Variants in MMP16 observed in about 807,000 individuals in gnomAD.
MMP16 encodes the protein matrix metalloproteinase-16.
Under a neutral mutation model 67.8 loss-of-function variants are expected in MMP16, and 12 were observed. That is an observed-to-expected ratio of 0.18 (90% CI 0.11 to 0.29). The LOEUF (loss-of-function observed/expected upper bound fraction) is 0.29. Ranked by LOEUF, MMP16 falls within the 10% of genes least tolerant of loss-of-function variation. The pLI is 1.00. For synonymous variants in MMP16, 249 were observed against 255.9 expected (o/e 0.97, Z 0.26); for missense variants, 475 against 765.7 (o/e 0.62, Z 4.48).
At chr8:88,042,984 T>C (rs111267071) in intron 9 of MMP16, among the ~76,000 whole-genome samples, 7 of 152,224 alleles carry the variant, frequency 4.6e-5, no homozygotes, top group Non-Finnish European at 7.3e-5. Flanking sequence ...GAGTTACCTA[T>C]TTTTGATACA....
At chr8:88,280,625 G>A (rs1031852980) in intron 1 of MMP16, among the ~76,000 whole-genome samples, 4 of 152,112 alleles carry the variant, frequency 2.6e-5, no homozygotes, top group African/African-American at 7.2e-5. Context: ...GCCCAGGCAT[G>A]GATGCCTATA....
Position 88,112,884 on chromosome 8 carries a change from T to A in MMP16, c.1083+3623A>T, listed in dbSNP as rs115270292. Among the ~76,000 whole-genome samples the A allele has an allele frequency of 2.5e-3, 383 of 151,928 alleles. 3 individuals carry two copies. Among genetic ancestry groups the A allele is most frequent in the African/African-American group, 8.5e-3 (354 of 41,504 alleles). On this transcript the variant is annotated intron_variant, in intron 6 of 9. Coordinates refer to ENST00000286614, the MANE Select transcript of MMP16 (RefSeq NM_005941.5). ...CTTACAAGAAAACAAAATTACCTTA[T>A]GATATTACCTTTTGCTTACATCTAG...
chr8:88,053,744 A>T (rs1381075300), intron 8 of MMP16, among the ~76,000 whole-genome samples: 1 of 152,198 alleles, frequency 6.6e-6, no homozygotes, highest in African/African-American at 2.4e-5. Flanking sequence ...CTGGAAATAT[A>T]TAATTATATG....
rs1398093285 is a variant in MMP16, at chr8:88,034,987, G to A, written c.*6474C>T. On this transcript the variant is annotated 3_prime_UTR_variant, in exon 10 of 10. Coordinates refer to ENST00000286614, the MANE Select transcript of MMP16 (RefSeq NM_005941.5). ...GCCTGTGTCAAAAAGTATTCTGCCT[G>A]GGATCCAGTTTACCCACAGACCAAA... 1.3e-5 allele frequency: 2 copies of A among 151,966 alleles called. No individual in the cohort carries two copies. The highest frequency in any genetic ancestry group is 3.9e-4 in the East Asian group (2 of 5,190). 9.4% of individuals were successfully genotyped at this position (151,966 alleles called of 1,614,324 possible). A position where few individuals can be genotyped will look rare whatever the true frequency, so the allele number is the denominator to read the frequency against.
At chr8:88,285,702 T>G (rs1379379809) in intron 1 of MMP16, among the ~76,000 whole-genome samples, 1 of 145,138 alleles carries the variant, frequency 6.9e-6, no homozygotes, top group African/African-American at 2.9e-5. Flanking sequence ...TTCCAATGAC[T>G]TTTTTTCCTT....
At chr8:88,159,183 T>A (rs1324176507) in intron 4 of MMP16, among the ~76,000 whole-genome samples, 1 of 152,162 alleles carries the variant, frequency 6.6e-6, no homozygotes, top group Non-Finnish European at 1.5e-5. Flanking sequence ...TTTAAACTAG[T>A]TTTTTCCAAT....
chr8:88,044,297 G>A (rs1422581141), intron 9 of MMP16, among the ~76,000 whole-genome samples: 1 of 152,190 alleles, frequency 6.6e-6, no homozygotes, highest in Non-Finnish European at 1.5e-5. Context: ...GCACCATAGT[G>A]AGATGAGACC....
chr8:88,057,545 C>T (rs993673456), intron 7 of MMP16, among the ~76,000 whole-genome samples: 1 of 152,106 alleles, frequency 6.6e-6, no homozygotes, highest in South Asian at 2.1e-4. Context: ...AGTAAGGTGT[C>T]CCAACGTCCT....
rs373718013 is a variant in MMP16 at position 88,286,680 on chromosome 8, A to G, written c.132+40395T>C. On this transcript the variant is annotated intron_variant, in intron 1 of 9. Coordinates refer to ENST00000286614, the MANE Select transcript of MMP16 (RefSeq NM_005941.5). ...AAGCTCCACCTCCAGCGTTCATGCCATTCTCCTGCCTCAGCCTCCCAAGTA... is the reference window on the plus strand; with the variant it reads ...AAGCTCCACCTCCAGCGTTCATGCCGTTCTCCTGCCTCAGCCTCCCAAGTA... Among the ~76,000 whole-genome samples, 3 of 151,774 alleles carry G rather than the reference A, an allele frequency of 2.0e-5. No homozygotes were observed. In the East Asian group the frequency reaches 5.8e-4, roughly 29 times the overall value.
At chr8:88,244,758 T>C (rs1015073599) in intron 1 of MMP16, among the ~76,000 whole-genome samples, 1 of 152,182 alleles carries the variant, frequency 6.6e-6, no homozygotes, top group African/African-American at 2.4e-5. Context: ...CTATAACATC[T>C]TTCTTTACCT....
chr8:88,072,668 T>C (rs1808578893), intron 7 of MMP16, among the ~76,000 whole-genome samples: 2 of 152,068 alleles, frequency 1.3e-5, no homozygotes, highest in African/African-American at 4.8e-5. Context: ...CAGGATTCAG[T>C]GATGTTGCTT....
At chr8:88,271,889 T>C (rs893613469) in intron 1 of MMP16, among the ~76,000 whole-genome samples, 1 of 152,228 alleles carries the variant, frequency 6.6e-6, no homozygotes, top group African/African-American at 2.4e-5. Context: ...ACTTATCTTA[T>C]GCATTATAGT....
At chr8:88,113,710 G>A (rs1809380613) in intron 6 of MMP16, among the ~76,000 whole-genome samples, 1 of 151,854 alleles carries the variant, frequency 6.6e-6, no homozygotes, top group Admixed American at 6.6e-5. Context: ...CTATGTAAGT[G>A]TTCTCATATC....
chr8:88,076,507 G>C (rs931367531), intron 6 of MMP16, among the ~76,000 whole-genome samples: 1 of 151,796 alleles, frequency 6.6e-6, no homozygotes, highest in African/African-American at 2.4e-5. Flanking sequence ...TCCTTTTCTT[G>C]ATAATTTTCA....
At position 88,189,726 on chromosome 8, in the gene MMP16, C is replaced by T. The variant is rs1809136051; in HGVS notation, c.282-3128G>A. ...TCTTCCTGCCCTTATATGCAATGACCTCTGTCTGGAATACTTTTCACTCCT... is the reference window on the plus strand; with the variant it reads ...TCTTCCTGCCCTTATATGCAATGACTTCTGTCTGGAATACTTTTCACTCCT... On this transcript the variant is annotated intron_variant, in intron 2 of 9. Transcript: ENST00000286614. Among the ~76,000 whole-genome samples, 3 of 152,226 alleles carry T rather than the reference C, an allele frequency of 2.0e-5. No individual in the cohort carries two copies. The South Asian group carries it at 6.2e-4, about 32-fold the overall frequency.
chr8:88,100,737 T>A (rs920880087), intron 6 of MMP16, among the ~76,000 whole-genome samples: 39 of 151,940 alleles, frequency 2.6e-4, no homozygotes, highest in Admixed American at 2.5e-3. Flanking sequence ...CGAATGTCCA[T>A]CAATGATAGA....
At chr8:88,298,398 T>C (rs576233785) in intron 1 of MMP16, among the ~76,000 whole-genome samples, 2 of 152,252 alleles carry the variant, frequency 1.3e-5, no homozygotes, top group South Asian at 4.1e-4. Flanking sequence ...TATAGGCCAA[T>C]AAACCTGAAT....
Position 88,040,870 on chromosome 8 carries a change from G to C in MMP16, c.*591C>G, listed in dbSNP as rs1808121449. 6.6e-6 allele frequency: 1 copy of C among 152,508 alleles called. No individual in the cohort carries two copies. Among genetic ancestry groups the C allele is most frequent in the African/African-American group, 2.4e-5 (1 of 41,420 alleles). 9.4% of individuals were successfully genotyped at this position (152,508 alleles called of 1,614,324 possible). A position where few individuals can be genotyped will look rare whatever the true frequency, so the allele number is the denominator to read the frequency against. ...CATGTGTATTCCAAATCTCCCACCT[G>C]ACAAAATGGTGCGTAGGAGACTATC... On this transcript the variant is annotated 3_prime_UTR_variant, in exon 10 of 10. Coordinates refer to ENST00000286614, the MANE Select transcript of MMP16 (RefSeq NM_005941.5).
At chr8:88,177,259 T>C (rs752519682) in intron 3 of MMP16, among the ~76,000 whole-genome samples, 1 of 152,234 alleles carries the variant, frequency 6.6e-6, no homozygotes, top group Non-Finnish European at 1.5e-5. Flanking sequence ...TCTTGCAGTC[T>C]CTGCTTCGAT....
Sources: allele counts gnomAD v4.1 joint callset (sites outside exome capture counted in the v4.1 genomes callset), GRCh38; gene constraint gnomAD v4.1.1; transcripts MANE v1.5; gene names NCBI Gene and HGNC (gene_info 2026-07-23, HGNC 2026-07-21).